GLDC: variants seen among roughly 807,000 people sequenced by gnomAD.
The protein encoded by GLDC is glycine dehydrogenase (decarboxylating), mitochondrial.
In GLDC, 104 loss-of-function variants were observed where a neutral mutation model predicts 121.3. The ratio of observed to expected loss-of-function variants is 0.86; its 90% CI spans 0.73 to 1.01. The LOEUF is 1.01. Among genes scored for constraint, GLDC ranks in the 50% least tolerant of loss-of-function variants. The probability of loss-of-function intolerance (pLI) is 0.00; values close to 1 mark genes in which losing one functional copy is unlikely to be tolerated. For synonymous variants in GLDC, 546 were observed against 480.6 expected (o/e 1.14, Z -1.78); for missense variants, 1,429 against 1,306.6 (o/e 1.09, Z -1.44).
chr9:6,572,937 A>T (rs1817993473), intron 15 of GLDC, among the ~76,000 whole-genome samples: 1 of 152,172 alleles, frequency 6.6e-6, no homozygotes, highest in Non-Finnish European at 1.5e-5. Flanking sequence ...GATCTCACAA[A>T]CAGGTATTTC....
intron 7 of GLDC, among the ~76,000 whole-genome samples, chr9:6,604,306 AT>A (rs1228045799): frequency 6.6e-6 from 1 of 152,192 alleles, no homozygotes; most frequent in Non-Finnish European, 1.5e-5. Context: ...TGCCTAAAAT[AT>A]TTAGTCTTTC....
At chr9:6,545,985 C>T (rs752699529) in intron 21 of GLDC, among the ~76,000 whole-genome samples, 1 of 152,190 alleles carries the variant, frequency 6.6e-6, no homozygotes. Context: ...TTAAACCTTT[C>T]TGACTCTTTT....
chr9:6,537,571 A>T (rs1184726385), intron 22 of GLDC, among the ~76,000 whole-genome samples: 3 of 152,244 alleles, frequency 2.0e-5, no homozygotes, highest in Non-Finnish European at 4.4e-5. Context: ...GCTTAAGCCC[A>T]GGAGTTTGAG....
At chr9:6,577,899 G>A (rs544462810) in intron 15 of GLDC, among the ~76,000 whole-genome samples, 4 of 151,482 alleles carry the variant, frequency 2.6e-5, no homozygotes, top group African/African-American at 7.3e-5. Flanking sequence ...GTTTTAGGGT[G>A]GAAGATTAAG....
At chr9:6,540,309 T>C in intron 21 of GLDC, 163 bp from the exon 22 acceptor site, 1 of 651,108 alleles carries the variant, frequency 1.5e-6, no homozygotes, top group African/African-American at 1.8e-5. Flanking sequence ...GCAATAAAGG[T>C]TTCATTTAGT....
At chr9:6,579,626 TG>T (rs1392028298) in intron 15 of GLDC, among the ~76,000 whole-genome samples, 1 of 152,220 alleles carries the variant, frequency 6.6e-6, no homozygotes, top group East Asian at 1.9e-4. Context: ...CCCAAAGTGC[TG>T]GGACTGTGAG....
intron 16 of GLDC, among the ~76,000 whole-genome samples, chr9:6,563,877 G>A (rs774076393): frequency 6.6e-6 from 1 of 151,916 alleles, no homozygotes; most frequent in Non-Finnish European, 1.5e-5. Flanking sequence ...GGTCATGCCT[G>A]TAATCCTGGT....
At position 6,602,156 on chromosome 9, in the gene GLDC, G is replaced by C; in HGVS notation, c.1108C>G (p.Gln370Glu). 1 of 1,613,404 alleles carries C rather than the reference G, an allele frequency of 6.2e-7. No homozygotes were observed. The highest frequency in any genetic ancestry group is 8.5e-7 in the Non-Finnish European group (1 of 1,179,410). ...GTAGCCTTGTCTCTCCGAATGTGTT[G>C]CTCCCTGGTTTGAAGAGCAAGACGA... ...VYRLALQTREQHIRRDKATSN... is the reference protein window; with the variant it reads ...VYRLALQTREEHIRRDKATSN... Residue 370 changes from glutamine (Q) to glutamate (E), a missense_variant, in exon 8 of 25, where the codon CAA becomes GAA. Coordinates refer to ENST00000321612, the MANE Select transcript of GLDC (RefSeq NM_000170.3).
chr9:6,579,968 C>T (rs548095775), intron 15 of GLDC, among the ~76,000 whole-genome samples: 4 of 152,312 alleles, frequency 2.6e-5, no homozygotes, highest in African/African-American at 7.2e-5. Context: ...AGCTGTCAGT[C>T]CTCTGTTGGG....
intron 21 of GLDC, among the ~76,000 whole-genome samples, chr9:6,543,640 C>G (rs1300283160): frequency 6.6e-6 from 1 of 152,192 alleles, no homozygotes. Flanking sequence ...CAGCATCTCT[C>G]TCCATCTCTA....
intron 2 of GLDC, among the ~76,000 whole-genome samples, chr9:6,622,583 G>A (rs1406188642): frequency 1.4e-5 from 2 of 145,832 alleles, no homozygotes; most frequent in African/African-American, 2.6e-5. Context: ...GCGTGATCTC[G>A]GCTCGCTACA....
intron 8 of GLDC, among the ~76,000 whole-genome samples, chr9:6,598,691 T>C (rs183985369): frequency 3.9e-5 from 6 of 152,242 alleles, no homozygotes; most frequent in Admixed American, 3.9e-4. Flanking sequence ...CAATCAACTA[T>C]GAAAAGGCAC....
intron 22 of GLDC, among the ~76,000 whole-genome samples, chr9:6,538,562 G>C (rs1563828448): frequency 6.6e-6 from 1 of 152,160 alleles, no homozygotes. Context: ...ACTATGTGTT[G>C]AGTGCCTACT....
At chr9:6,577,563 C>T (rs562857010) in intron 15 of GLDC, among the ~76,000 whole-genome samples, 1 of 152,210 alleles carries the variant, frequency 6.6e-6, no homozygotes, top group South Asian at 2.1e-4. Context: ...GACTAAATAA[C>T]ATATGATCAA....
intron 21 of GLDC, chr9:6,541,173 T>C (rs1446584053): frequency 1.3e-5 from 2 of 152,216 alleles, no homozygotes; most frequent in Non-Finnish European, 2.9e-5. Context: ...TAAACAGGCT[T>C]CTTCTCTAGG....
At chr9:6,643,331 C>T (rs1186917207) in intron 2 of GLDC, among the ~76,000 whole-genome samples, 1 of 151,526 alleles carries the variant, frequency 6.6e-6, no homozygotes, top group Non-Finnish European at 1.5e-5. Context: ...GGCAGCAGCC[C>T]TCAGCATAGC....
rs944497652 is a variant in GLDC at position 6,581,047 on chromosome 9, T to A, written c.1850+6094A>T. Among the ~76,000 whole-genome samples the A allele has an allele frequency of 2.6e-4, 39 of 152,180 alleles. 1 individual carries two copies. The highest frequency in any genetic ancestry group is 8.9e-4 in the African/African-American group (37 of 41,436). Reference sequence around the variant, plus strand: ...TCTCTGCCTCTCCACCTGAGGGTGTTCTCTGCCAGGCACGTTCTTGGTTGA... The same window carrying A: ...TCTCTGCCTCTCCACCTGAGGGTGTACTCTGCCAGGCACGTTCTTGGTTGA... On this transcript the variant is annotated intron_variant, in intron 15 of 24. Transcript: ENST00000321612.
chr9:6,579,333 T>C (rs1329210897), intron 15 of GLDC, among the ~76,000 whole-genome samples: 4 of 152,174 alleles, frequency 2.6e-5, no homozygotes, highest in Non-Finnish European at 5.9e-5. Flanking sequence ...CAGATGAATA[T>C]TAATTAACTC....
At position 6,611,753 on chromosome 9, in the gene GLDC, G is replaced by A. The variant is rs1017867567; in HGVS notation, c.471-1397C>T. Among the ~76,000 whole-genome samples, 98 of 152,176 alleles carry A rather than the reference G, an allele frequency of 6.4e-4. 2 individuals are homozygous for A. Among genetic ancestry groups the A allele is most frequent in the Non-Finnish European group, 2.1e-4 (14 of 68,014 alleles). On this transcript the variant is annotated intron_variant, in intron 3 of 24. Transcript: ENST00000321612. ...TTGGAACATTATTCTCTGTCTTCCTGTCGTATATCTTGTGCCTGTCTTTAT... is the reference window on the plus strand; with the variant it reads ...TTGGAACATTATTCTCTGTCTTCCTATCGTATATCTTGTGCCTGTCTTTAT...
Sources: gnomAD v4.1 joint callset for allele counts (sites outside exome capture counted in the v4.1 genomes callset) on GRCh38, gnomAD v4.1.1 for gene constraint, MANE v1.5 for transcripts, NCBI Gene and HGNC (gene_info 2026-07-23, HGNC 2026-07-21) for gene names.